SAMD12: variants seen among roughly 807,000 people sequenced by gnomAD.
SAMD12 encodes sterile alpha motif domain containing 12, also known as sterile alpha motif domain-containing protein 12.
In SAMD12, 9 loss-of-function variants were observed where a neutral mutation model predicts 15.0. The ratio of observed to expected loss-of-function variants is 0.60; its 90% CI spans 0.36 to 1.05. The LOEUF (loss-of-function observed/expected upper bound fraction) is 1.05. Ranked by LOEUF, SAMD12 falls within the 50% of genes least tolerant of loss-of-function variation. The probability of loss-of-function intolerance (pLI) is 0.01; values close to 1 mark genes in which losing one functional copy is unlikely to be tolerated. For synonymous variants in SAMD12, 86 were observed against 90.1 expected, an observed-to-expected ratio of 0.96 and a Z score of 0.25; for missense variants, 230 against 234.2, an observed-to-expected ratio of 0.98 and a Z score of 0.12.
chr8:118,449,660 G>A (rs1823016769), intron 2 of SAMD12, among the ~76,000 whole-genome samples: 1 of 151,588 alleles, frequency 6.6e-6, no homozygotes, highest in African/African-American at 2.4e-5. Flanking sequence ...TTAGCTGGGC[G>A]CAGTGGCAGG....
rs556846933 is a variant in SAMD12 at position 118,549,099 on chromosome 8, G to C, written c.192+31616C>G. On this transcript the variant is annotated intron_variant, in intron 2 of 3. Coordinates refer to ENST00000314727, the MANE Select transcript of SAMD12 (RefSeq NM_207506.3). ...TCTGTAGGCTCCACCTCTGGGGGCAGGGCACAGACAAACAAAAAGACAACA... is the reference window on the plus strand; with the variant it reads ...TCTGTAGGCTCCACCTCTGGGGGCACGGCACAGACAAACAAAAAGACAACA... 3.9e-3 allele frequency among the ~76,000 whole-genome samples: 593 copies of C among 152,364 alleles called. 5 individuals carry two copies. Among genetic ancestry groups the C allele is most frequent in the African/African-American group, 0.014 (568 of 41,586 alleles).
chr8:118,328,248 C>T (rs1362830825), intron 4 of SAMD12, among the ~76,000 whole-genome samples: 1 of 152,162 alleles, frequency 6.6e-6, no homozygotes, highest in African/African-American at 2.4e-5. Context: ...CTTGGGCCTT[C>T]CTTACTATGT....
chr8:118,553,437 T>A (rs1310701906), intron 2 of SAMD12, among the ~76,000 whole-genome samples: 4 of 152,196 alleles, frequency 2.6e-5, no homozygotes, highest in African/African-American at 2.4e-5. Context: ...GGGGAAAGGA[T>A]TCCCTATTTA....
At chr8:118,534,085 T>C (rs1825766241) in intron 2 of SAMD12, among the ~76,000 whole-genome samples, 1 of 152,228 alleles carries the variant, frequency 6.6e-6, no homozygotes, top group African/African-American at 2.4e-5. Context: ...TGGTACTGGT[T>C]GTTCCTTTCC....
At chr8:118,564,812 T>C (rs1826804539) in intron 2 of SAMD12, among the ~76,000 whole-genome samples, 2 of 152,244 alleles carry the variant, frequency 1.3e-5, no homozygotes, top group Non-Finnish European at 2.9e-5. Context: ...CGAAGGTTGC[T>C]ATAAGTCAGC....
intron 3 of SAMD12, among the ~76,000 whole-genome samples, chr8:118,398,980 C>T (rs1051520936): frequency 1.2e-4 from 19 of 152,194 alleles, no homozygotes; most frequent in East Asian, 3.9e-4. Context: ...ACCTCCTGGT[C>T]TCAAGTGGTT....
intron 4 of SAMD12, among the ~76,000 whole-genome samples, chr8:118,243,009 T>C (rs191980483): frequency 1.3e-5 from 2 of 152,286 alleles, no homozygotes; most frequent in East Asian, 1.9e-4. Context: ...GGAAGCTCCA[T>C]CTTTGGTCTA....
At chr8:118,405,507 T>C (rs1192675746) in intron 3 of SAMD12, among the ~76,000 whole-genome samples, 2 of 152,208 alleles carry the variant, frequency 1.3e-5, no homozygotes, top group Non-Finnish European at 2.9e-5. Context: ...GTGGTTACCT[T>C]GGAAGACGTC....
chr8:118,537,722 A>G (rs973649050), intron 2 of SAMD12, among the ~76,000 whole-genome samples: 1 of 152,212 alleles, frequency 6.6e-6, no homozygotes, highest in African/African-American at 2.4e-5. Context: ...TCCTCAACAC[A>G]GCGATTTTGA....
chr8:118,382,039 G>C (rs1819702187), intron 3 of SAMD12, among the ~76,000 whole-genome samples: 1 of 152,196 alleles, frequency 6.6e-6, no homozygotes, highest in Non-Finnish European at 1.5e-5. Context: ...TCAGACCTTA[G>C]TCCAGAAGTT....
At chr8:118,219,580 G>A (rs1812039191) in intron 4 of SAMD12, among the ~76,000 whole-genome samples, 1 of 152,194 alleles carries the variant, frequency 6.6e-6, no homozygotes, top group Non-Finnish European at 1.5e-5. Flanking sequence ...TTGACCAGGA[G>A]AATGATGGAA....
chr8:118,380,060 G>A (rs1819595043), intron 3 of SAMD12, among the ~76,000 whole-genome samples: 1 of 152,166 alleles, frequency 6.6e-6, no homozygotes, highest in Admixed American at 6.5e-5. Flanking sequence ...CTGGGGGCTG[G>A]ATTCTCAGGC....
At chr8:118,483,787 AT>A (rs1824197377) in intron 2 of SAMD12, among the ~76,000 whole-genome samples, 1 of 152,174 alleles carries the variant, frequency 6.6e-6, no homozygotes, top group African/African-American at 2.4e-5. Context: ...TTGTGCTTTA[AT>A]TTTTAGAATA....
chr8:118,189,205 G>T (rs1169555833), downstream of SAMD12, among the ~76,000 whole-genome samples: 1 of 152,108 alleles, frequency 6.6e-6, no homozygotes, highest in Non-Finnish European at 1.5e-5. Flanking sequence ...GTGGGATTTG[G>T]TGCTGGGGGA....
chr8:118,572,784 T>C (rs1458792148), intron 2 of SAMD12, among the ~76,000 whole-genome samples: 2 of 152,106 alleles, frequency 1.3e-5, no homozygotes, highest in South Asian at 2.1e-4. Flanking sequence ...TATCGCAGCA[T>C]GAAAAGGGAC....
intron 3 of SAMD12, among the ~76,000 whole-genome samples, chr8:118,405,584 G>A (rs144045608): frequency 0.01 from 1,556 of 151,922 alleles, 35 homozygotes; most frequent in African/African-American, 0.036. Context: ...ATCTGAGTAA[G>A]GTTTACATAA....
intron 2 of SAMD12, among the ~76,000 whole-genome samples, chr8:118,474,106 G>A (rs1051187881): frequency 6.6e-6 from 1 of 150,636 alleles, no homozygotes; most frequent in Non-Finnish European, 1.5e-5. Flanking sequence ...TTATAGGCAC[G>A]CACCACCCCA....
At chr8:118,317,187 G>A (rs958937420) in intron 4 of SAMD12, among the ~76,000 whole-genome samples, 2 of 152,246 alleles carry the variant, frequency 1.3e-5, no homozygotes, top group East Asian at 1.9e-4. Context: ...CCCCAGAATT[G>A]TAAGAAAATC....
At position 118,439,930 on chromosome 8, in the gene SAMD12, GCCA is replaced by G. The variant is rs1563861286; in HGVS notation, c.221_223del (p.Val74del). The G allele has an allele frequency of 8.7e-6, 14 of 1,613,678 alleles. No homozygotes were observed. The highest frequency in any genetic ancestry group is 1.2e-5 in the Non-Finnish European group (14 of 1,179,650). On this transcript the variant is annotated inframe_deletion, in exon 3 of 4. Coordinates refer to ENST00000314727, the MANE Select transcript of SAMD12 (RefSeq NM_207506.3). Reference sequence around the variant, plus strand: ...GCAGACATCCTGCTGGGTCCATAGAGCCACCGGTTTAGATAGCTTCACCGTAGC... The same window carrying G: ...GCAGACATCCTGCTGGGTCCATAGAGCCGGTTTAGATAGCTTCACCGTAGC...
Sources: gnomAD v4.1 joint callset for allele counts (sites outside exome capture counted in the v4.1 genomes callset) on GRCh38, gnomAD v4.1.1 for gene constraint, MANE v1.5 for transcripts, NCBI Gene and HGNC (gene_info 2026-07-23, HGNC 2026-07-21) for gene names.